The following MARCHF11 variants were observed in gnomAD, a reference collection of about 807,000 sequenced individuals.
MARCHF11 encodes the protein membrane associated ring-CH-type finger 11, also known as E3 ubiquitin-protein ligase MARCHF11.
In MARCHF11, 29 loss-of-function variants were observed where a neutral mutation model predicts 37.3. The ratio of observed to expected loss-of-function variants is 0.78; its 90% CI spans 0.58 to 1.06. The LOEUF is 1.06. Among genes scored for constraint, MARCHF11 ranks in the 50% least tolerant of loss-of-function variants. MARCHF11 has a pLI of 0.00. For missense variants in MARCHF11, 482 were observed against 533.4 expected (o/e 0.90, Z 0.95); for synonymous variants, 233 against 228.0 (o/e 1.02, Z -0.20).
At chr5:16,156,521 T>G (rs1293808081) in intron 2 of MARCHF11, among the ~76,000 whole-genome samples, 2 of 151,934 alleles carry the variant, frequency 1.3e-5, no homozygotes, top group Non-Finnish European at 2.9e-5. Flanking sequence ...TATATTTTAG[T>G]ACAAGCATGC....
At chr5:16,074,093 A>G (rs1736477504) in intron 3 of MARCHF11, among the ~76,000 whole-genome samples, 1 of 152,212 alleles carries the variant, frequency 6.6e-6, no homozygotes, top group Non-Finnish European at 1.5e-5. Context: ...GTCAACTCCA[A>G]AAGGAATACT....
intron 2 of MARCHF11, among the ~76,000 whole-genome samples, chr5:16,127,917 T>C (rs1737442347): frequency 6.6e-6 from 1 of 152,190 alleles, no homozygotes; most frequent in African/African-American, 2.4e-5. Context: ...TCAGGGTAGC[T>C]GCTCCACTTG....
intron 2 of MARCHF11, among the ~76,000 whole-genome samples, chr5:16,151,648 AAT>A (rs1491368124): frequency 1.6e-3 from 44 of 27,252 alleles, no homozygotes; most frequent in African/African-American, 4.9e-3. Context: ...GCGTGAGTTG[AAT>A]GTGTGTGTGT....
At chr5:16,071,461 G>A (rs2126543174) in intron 3 of MARCHF11, among the ~76,000 whole-genome samples, 1 of 152,230 alleles carries the variant, frequency 6.6e-6, no homozygotes, top group East Asian at 1.9e-4. Context: ...TGAAAAAGCA[G>A]GCTTAAATAA....
intron 3 of MARCHF11, among the ~76,000 whole-genome samples, chr5:16,085,348 G>A (rs145935464): frequency 6.2e-4 from 95 of 152,056 alleles, no homozygotes; most frequent in African/African-American, 1.8e-3. Flanking sequence ...GCATCCCTGC[G>A]ATCCCAAAAA....
intron 2 of MARCHF11, among the ~76,000 whole-genome samples, chr5:16,137,973 T>C (rs1737635120): frequency 6.6e-6 from 1 of 152,168 alleles, no homozygotes; most frequent in African/African-American, 2.4e-5. Context: ...AATTGGAACT[T>C]ATGTTTAAGA....
intron 2 of MARCHF11, among the ~76,000 whole-genome samples, chr5:16,096,532 T>C (rs1395546119): frequency 2.0e-5 from 3 of 152,218 alleles, no homozygotes; most frequent in Non-Finnish European, 4.4e-5. Flanking sequence ...GGTTCCGTGT[T>C]AGTGGAGTAT....
chr5:16,170,779 A>C (rs1271878569), intron 2 of MARCHF11, among the ~76,000 whole-genome samples: 1 of 152,156 alleles, frequency 6.6e-6, no homozygotes, highest in Non-Finnish European at 1.5e-5. Flanking sequence ...TGTCCCTCAG[A>C]ATACAAGCCC....
intron 2 of MARCHF11, among the ~76,000 whole-genome samples, chr5:16,135,124 A>C (rs1224571518): frequency 6.6e-6 from 1 of 152,178 alleles, no homozygotes; most frequent in African/African-American, 2.4e-5. Context: ...ATAATGGCAG[A>C]ACATATAAAC....
At chr5:16,093,969 C>G (rs1736824707) in intron 2 of MARCHF11, among the ~76,000 whole-genome samples, 1 of 152,104 alleles carries the variant, frequency 6.6e-6, no homozygotes, top group Non-Finnish European at 1.5e-5. Context: ...TGCAAATATG[C>G]AAATGTGTTT....
intron 2 of MARCHF11, among the ~76,000 whole-genome samples, chr5:16,139,717 A>T (rs1002148532): frequency 2.6e-4 from 39 of 152,226 alleles, no homozygotes; most frequent in Admixed American, 1.3e-4. Context: ...ATATTTACAT[A>T]GCAAAATCTA....
intron 2 of MARCHF11, among the ~76,000 whole-genome samples, chr5:16,167,157 CGT>C (rs3031646): frequency 0.28 from 41,092 of 149,078 alleles, 5,753 homozygotes; most frequent in East Asian, 0.42. Flanking sequence ...TGTATACACA[CGT>C]GTGTGTGTGT....
chr5:16,108,148 A>G (rs1737076147), intron 2 of MARCHF11, among the ~76,000 whole-genome samples: 1 of 152,196 alleles, frequency 6.6e-6, no homozygotes. Flanking sequence ...ACACTGTAAC[A>G]TGCTTCCTTG....
At chr5:16,133,402 A>G (rs1737552117) in intron 2 of MARCHF11, among the ~76,000 whole-genome samples, 2 of 152,158 alleles carry the variant, frequency 1.3e-5, no homozygotes, top group African/African-American at 4.8e-5. Flanking sequence ...CCCAAAATGC[A>G]AGAGATCTCA....
chr5:16,115,632 T>C (rs1381280052), intron 2 of MARCHF11, among the ~76,000 whole-genome samples: 1 of 39,568 alleles, frequency 2.5e-5, no homozygotes. Flanking sequence ...CTTGTTTGCT[T>C]TTTTTTTTTT....
chr5:16,082,668 T>C (rs1229558889), intron 3 of MARCHF11, among the ~76,000 whole-genome samples: 1 of 152,140 alleles, frequency 6.6e-6, no homozygotes, highest in Non-Finnish European at 1.5e-5. Context: ...AGGCGGGTGA[T>C]ATACTTCTGT....
At chr5:16,082,448 C>T (rs1005045696) in intron 3 of MARCHF11, among the ~76,000 whole-genome samples, 3 of 152,120 alleles carry the variant, frequency 2.0e-5, no homozygotes, top group Non-Finnish European at 4.4e-5. Context: ...ACACCAGGCA[C>T]GGCCAACCTC....
chr5:16,114,713 C>T (rs377641690), intron 2 of MARCHF11, among the ~76,000 whole-genome samples: 23 of 151,778 alleles, frequency 1.5e-4, no homozygotes, highest in South Asian at 2.1e-4. Flanking sequence ...TGGTCTCGAA[C>T]GCCTGAGCTC....
At chr5:16,157,858 T>G (rs1738003317) in intron 2 of MARCHF11, among the ~76,000 whole-genome samples, 1 of 151,902 alleles carries the variant, frequency 6.6e-6, no homozygotes, top group Non-Finnish European at 1.5e-5. Context: ...AAAAAGCCTT[T>G]GCACAGCAAA....
Sources: allele counts gnomAD v4.1 joint callset (sites outside exome capture counted in the v4.1 genomes callset), GRCh38; gene constraint gnomAD v4.1.1; transcripts MANE v1.5; gene names NCBI Gene and HGNC (gene_info 2026-07-23, HGNC 2026-07-21).